The following CNTNAP2 variants were observed in gnomAD, a reference collection of about 807,000 sequenced individuals.
The protein encoded by CNTNAP2 is contactin-associated protein-like 2.
CNTNAP2 carries 98 observed loss-of-function variants against 155.2 expected under a neutral mutation model. The ratio of observed to expected loss-of-function variants is 0.63; its 90% CI spans 0.54 to 0.75. CNTNAP2 has a LOEUF of 0.75. CNTNAP2 is among the 30% of genes least tolerant of loss of function. The probability of loss-of-function intolerance (pLI) is 0.00; values close to 1 mark genes in which losing one functional copy is unlikely to be tolerated. For synonymous variants in CNTNAP2, 651 were observed against 631.2 expected (o/e 1.03, Z -0.47); for missense variants, 1,727 against 1,688.1 (o/e 1.02, Z -0.40).
rs1325820219 is a variant in CNTNAP2, at chr7:148,062,026, AGAGT to A, written c.2384-56090_2384-56087del. ...AGATAGATGATAGAGAGAGAGAGAG[AGAGT>A]GTGTGTGTGTGTGTGTGTGTGTGTG... is the stretch of plus-strand genomic sequence containing the variant. On this transcript the variant is annotated intron_variant, in intron 15 of 23. Coordinates refer to ENST00000361727, the MANE Select transcript of CNTNAP2 (RefSeq NM_014141.6). 3.4e-4 allele frequency among the ~76,000 whole-genome samples: 45 copies of A among 132,042 alleles called. 1 individual carries two copies. Among genetic ancestry groups the A allele is most frequent in the African/African-American group, 8.2e-4 (28 of 34,076 alleles). The allele number at this position is 132,042 out of a possible 152,430, so 86.6% of individuals were successfully genotyped here.
chr7:146,580,756 A>C (rs1213909261), intron 1 of CNTNAP2, among the ~76,000 whole-genome samples: 2 of 152,120 alleles, frequency 1.3e-5, no homozygotes, highest in Non-Finnish European at 2.9e-5. Context: ...AAATATTATT[A>C]AAATGTAAGC....
At chr7:147,930,194 A>G (rs1800474004) in intron 14 of CNTNAP2, among the ~76,000 whole-genome samples, 2 of 152,202 alleles carry the variant, frequency 1.3e-5, no homozygotes, top group South Asian at 4.1e-4. Context: ...CAAACAAACA[A>G]AAAAGGTTAA....
intron 1 of CNTNAP2, among the ~76,000 whole-genome samples, chr7:146,180,212 A>C (rs1056414890): frequency 5.3e-5 from 8 of 152,224 alleles, no homozygotes; most frequent in African/African-American, 1.9e-4. Context: ...TTAGGATTTA[A>C]GTAGCCTAGC....
At position 147,837,709 on chromosome 7, in the gene CNTNAP2, T is replaced by C. The variant is rs539772490; in HGVS notation, c.2099-65856T>C. On this transcript the variant is annotated intron_variant, in intron 13 of 23. Transcript: ENST00000361727. ...AATACATCATTCCAAATCGGAGAAA[T>C]TGGCCAGACTGAAGAAGCTAAAGGC... Among the ~76,000 whole-genome samples the C allele has an allele frequency of 5.9e-5, 9 of 152,226 alleles. No individual in the cohort carries two copies. In the South Asian group the frequency reaches 1.9e-3, roughly 32 times the overall value.
chr7:148,118,134 C>T lies in CNTNAP2; in HGVS notation c.2400C>T (p.Ala800=), dbSNP rs568803366. 4.7e-5 allele frequency: 76 copies of T among 1,614,008 alleles called. No homozygotes were observed. Among genetic ancestry groups the T allele is most frequent in the East Asian group, 1.8e-4 (8 of 44,862 alleles). The part of the protein sequence containing the change: ...RCQGDRNYWN[A]ASFPNPSSYL... ...TTCCCACAGGGAATTATTGGAATGC[C>T]GCCTCTTTCCCAAACCCATCCTCCT... The change falls in exon 16 of 24, where the codon GCC becomes GCT. Residue 800 remains alanine, a synonymous_variant. Coordinates refer to ENST00000361727, the MANE Select transcript of CNTNAP2 (RefSeq NM_014141.6).
intron 1 of CNTNAP2, among the ~76,000 whole-genome samples, chr7:146,461,026 G>A (rs921212089): frequency 6.6e-6 from 1 of 152,092 alleles, no homozygotes; most frequent in Non-Finnish European, 1.5e-5. Flanking sequence ...TTACTTGGGT[G>A]GACTTAATCA....
intron 1 of CNTNAP2, among the ~76,000 whole-genome samples, chr7:146,368,719 A>T (rs553406363): frequency 6.6e-6 from 1 of 152,024 alleles, no homozygotes; most frequent in Non-Finnish European, 1.5e-5. Context: ...GTCATTTCCT[A>T]TCCCCAGTTT....
chr7:146,517,804 G>C (rs1797562882), intron 1 of CNTNAP2, among the ~76,000 whole-genome samples: 1 of 151,922 alleles, frequency 6.6e-6, no homozygotes, highest in Non-Finnish European at 1.5e-5. Context: ...TGCAGATGGA[G>C]AGAACTGGCC....
chr7:146,438,669 AGTT>A (rs1295607515), intron 1 of CNTNAP2, among the ~76,000 whole-genome samples: 1 of 151,554 alleles, frequency 6.6e-6, no homozygotes, highest in Non-Finnish European at 1.5e-5. Flanking sequence ...TCTTTAATTT[AGTT>A]GTTCTTTCCT....
chr7:147,176,581 A>G (rs890007729), intron 8 of CNTNAP2, among the ~76,000 whole-genome samples: 1 of 147,496 alleles, frequency 6.8e-6, no homozygotes, highest in Admixed American at 6.9e-5. Context: ...GAAATAAACA[A>G]GATAGATTAT....
intron 3 of CNTNAP2, among the ~76,000 whole-genome samples, chr7:146,965,979 T>A (rs1797650466): frequency 6.6e-6 from 1 of 152,208 alleles, no homozygotes; most frequent in South Asian, 2.1e-4. Context: ...CAGTTCTGAC[T>A]CTCTCATGTT....
chr7:147,626,525 T>C (rs77254875), intron 12 of CNTNAP2, among the ~76,000 whole-genome samples: 3,088 of 152,196 alleles, frequency 0.02, 112 homozygotes, highest in African/African-American at 0.07. Flanking sequence ...CCTGACCTGA[T>C]AGGATTTCTT....
At chr7:146,175,870 C>A (rs1342614340) in intron 1 of CNTNAP2, among the ~76,000 whole-genome samples, 2 of 151,960 alleles carry the variant, frequency 1.3e-5, no homozygotes, top group Non-Finnish European at 2.9e-5. Context: ...TTTCTCTCTT[C>A]TTTTTCTATT....
At chr7:147,545,263 T>G (rs975011691) in intron 11 of CNTNAP2, among the ~76,000 whole-genome samples, 2 of 152,152 alleles carry the variant, frequency 1.3e-5, no homozygotes, top group Non-Finnish European at 2.9e-5. Context: ...CTCAGAAATT[T>G]GTCTACTGAA....
rs532522503 is a variant in CNTNAP2 at position 146,310,975 on chromosome 7, C to T, written c.97+194002C>T. 9.9e-5 allele frequency among the ~76,000 whole-genome samples: 15 copies of T among 152,244 alleles called. No individual in the cohort carries two copies. The South Asian group carries it at 1.2e-3, about 13-fold the overall frequency. ...ATATAGCATAATCTGTAAAATCACT[C>T]TGGCAAAAATGTGTATCTATGTTTT... On this transcript the variant is annotated intron_variant, in intron 1 of 23. Coordinates refer to ENST00000361727, the MANE Select transcript of CNTNAP2 (RefSeq NM_014141.6).
intron 1 of CNTNAP2, among the ~76,000 whole-genome samples, chr7:146,494,199 T>C (rs1278343037): frequency 6.6e-6 from 1 of 151,894 alleles, no homozygotes; most frequent in Non-Finnish European, 1.5e-5. Flanking sequence ...CTGGGCATGG[T>C]GGCGGGCACC....
At chr7:147,943,297 T>C (rs1439574887) in intron 14 of CNTNAP2, among the ~76,000 whole-genome samples, 1 of 152,212 alleles carries the variant, frequency 6.6e-6, no homozygotes, top group Non-Finnish European at 1.5e-5. Context: ...GGCATTTTTG[T>C]GTAAAGTTTT....
chr7:147,722,205 T>C (rs1796576164), intron 13 of CNTNAP2, among the ~76,000 whole-genome samples: 1 of 152,178 alleles, frequency 6.6e-6, no homozygotes, highest in Admixed American at 6.5e-5. Context: ...TTTCATGCAG[T>C]CCCACTCTTC....
chr7:148,414,105 C>G (rs1267039523), intron 23 of CNTNAP2, among the ~76,000 whole-genome samples: 4 of 141,990 alleles, frequency 2.8e-5, no homozygotes, highest in Admixed American at 7.1e-5. Context: ...AGAGTCCCCC[C>G]CCCCCCCCTC....
Sources: allele counts gnomAD v4.1 joint callset (sites outside exome capture counted in the v4.1 genomes callset), GRCh38; gene constraint gnomAD v4.1.1; transcripts MANE v1.5; gene names NCBI Gene and HGNC (gene_info 2026-07-23, HGNC 2026-07-21).